The following TENM4 variants were observed in gnomAD, a reference collection of about 807,000 sequenced individuals.
TENM4 encodes the protein teneurin-4.
A neutral mutation model predicts 243.3 loss-of-function variants in TENM4; 82 were observed. The observed-to-expected ratio is 0.34, with a 90% confidence interval of 0.28 to 0.40. The LOEUF (loss-of-function observed/expected upper bound fraction) is 0.40, where lower values mean the gene tolerates loss of function less well. Among genes scored for constraint, TENM4 ranks in the 10% least tolerant of loss-of-function variants. TENM4 has a pLI of 1.00. For synonymous variants in TENM4, 1,412 were observed against 1,456.3 expected (o/e 0.97, Z 0.69); for missense variants, 3,138 against 3,673.3 (o/e 0.85, Z 3.77).
intron 2 of TENM4, among the ~76,000 whole-genome samples, chr11:79,233,924 C>T (rs1166089967): frequency 2.6e-5 from 4 of 152,198 alleles, no homozygotes; most frequent in African/African-American, 4.8e-5. Flanking sequence ...CCTGAACTCA[C>T]CTCCCACATG....
At chr11:79,070,238 AG>A (rs934277886) in intron 4 of TENM4, among the ~76,000 whole-genome samples, 3 of 152,148 alleles carry the variant, frequency 2.0e-5, no homozygotes, top group Non-Finnish European at 4.4e-5. Context: ...CACCTTGAGG[AG>A]GCCTCCTCCA....
At chr11:79,060,794 C>T (rs1197253007) in intron 6 of TENM4, among the ~76,000 whole-genome samples, 1 of 152,170 alleles carries the variant, frequency 6.6e-6, no homozygotes, top group African/African-American at 2.4e-5. Context: ...AGATTAAAGG[C>T]AATTGCACAT....
chr11:79,002,529 G>C (rs1858357739), intron 6 of TENM4, among the ~76,000 whole-genome samples: 1 of 152,182 alleles, frequency 6.6e-6, no homozygotes, highest in Admixed American at 6.5e-5. Context: ...CAGCCCAAAA[G>C]TGCCAAGCTG....
intron 4 of TENM4, among the ~76,000 whole-genome samples, chr11:79,129,881 A>G (rs189817472): frequency 7.9e-5 from 12 of 152,212 alleles, no homozygotes; most frequent in African/African-American, 1.4e-4. Flanking sequence ...TCATACTACC[A>G]CAGCTGAGGC....
rs565615717 is a variant in TENM4, at chr11:79,138,204, A to G, written c.-66+10506T>C. Among the ~76,000 whole-genome samples, 11 of 149,030 alleles carry G rather than the reference A, an allele frequency of 7.4e-5. No individual in the cohort carries two copies. The South Asian group carries it at 1.9e-3, about 26-fold the overall frequency. ...TCCTGCCCTCAAATATCGGACTCCAAATTCTTCAGTTTTGGAACTTGGACT... is the reference window on the plus strand; with the variant it reads ...TCCTGCCCTCAAATATCGGACTCCAGATTCTTCAGTTTTGGAACTTGGACT... On this transcript the variant is annotated intron_variant, in intron 4 of 33. Coordinates refer to ENST00000278550, the MANE Select transcript of TENM4 (RefSeq NM_001098816.3).
intron 6 of TENM4, among the ~76,000 whole-genome samples, chr11:79,023,276 T>A (rs1018735774): frequency 3.3e-5 from 5 of 152,138 alleles, no homozygotes; most frequent in Non-Finnish European, 7.3e-5. Context: ...TCAAGGTTTA[T>A]CAGCCTGGCG....
rs1166033880 is a variant in TENM4, at chr11:79,069,956, C to T, written c.-12G>A. On this transcript the variant is annotated 5_prime_UTR_variant, in exon 5 of 34. Coordinates refer to ENST00000278550, the MANE Select transcript of TENM4 (RefSeq NM_001098816.3). The stretch of plus-strand genomic sequence containing the variant: ...TCCTTCACGTCCATGGCCTCCGGCC[C>T]GCGCTCCTCCACATCCACAAACAGG... The T allele has an allele frequency of 4.5e-6, 7 of 1,543,238 alleles. No individual in the cohort carries two copies. Among genetic ancestry groups the T allele is most frequent in the African/African-American group, 2.7e-5 (2 of 72,890 alleles).
At chr11:79,414,379 C>T (rs769387747) in intron 1 of TENM4, among the ~76,000 whole-genome samples, 18 of 152,188 alleles carry the variant, frequency 1.2e-4, no homozygotes, top group Admixed American at 1.2e-3. Context: ...TCTCACTTTC[C>T]ACACTGTGAC....
At chr11:78,688,599 C>T (rs1858742470) in intron 28 of TENM4, among the ~76,000 whole-genome samples, 1 of 152,080 alleles carries the variant, frequency 6.6e-6, no homozygotes, top group Non-Finnish European at 1.5e-5. Context: ...CTGGGAGACT[C>T]CCCAGAAATG....
At chr11:79,047,372 A>C (rs1859682781) in intron 6 of TENM4, among the ~76,000 whole-genome samples, 1 of 152,206 alleles carries the variant, frequency 6.6e-6, no homozygotes, top group South Asian at 2.1e-4. Flanking sequence ...TACAAAGCTA[A>C]TCAATAGTGG....
chr11:78,934,780 G>T (rs1856746316), intron 6 of TENM4, among the ~76,000 whole-genome samples: 1 of 152,184 alleles, frequency 6.6e-6, no homozygotes, highest in Non-Finnish European at 1.5e-5. Flanking sequence ...CCCAAGATCT[G>T]GAGATGATAT....
At chr11:79,103,146 G>T (rs1861276644) in intron 4 of TENM4, among the ~76,000 whole-genome samples, 1 of 152,010 alleles carries the variant, frequency 6.6e-6, no homozygotes, top group South Asian at 2.1e-4. Flanking sequence ...TGCCCTTTCT[G>T]CCTTGTCTGC....
intron 2 of TENM4, among the ~76,000 whole-genome samples, chr11:79,243,024 C>G (rs1211090039): frequency 6.6e-6 from 1 of 152,110 alleles, no homozygotes; most frequent in East Asian, 1.9e-4. Flanking sequence ...CCTCTAGTGC[C>G]CCTTGGGAGC....
intron 1 of TENM4, among the ~76,000 whole-genome samples, chr11:79,299,079 CACACACATACACACACACAT>C (rs1203616138): frequency 2.6e-5 from 4 of 151,814 alleles, no homozygotes; most frequent in Admixed American, 6.6e-5. Context: ...CACACACACA[CACACACATACACACACACAT>C]ACATACACAC....
chr11:78,987,100 C>T (rs914144707), intron 6 of TENM4, among the ~76,000 whole-genome samples: 1 of 152,174 alleles, frequency 6.6e-6, no homozygotes. Context: ...ATTGCTTCCT[C>T]CCCATCATAT....
At chr11:79,114,865 CAG>C (rs1390402912) in intron 4 of TENM4, among the ~76,000 whole-genome samples, 6 of 152,134 alleles carry the variant, frequency 3.9e-5, no homozygotes, top group Non-Finnish European at 8.8e-5. Flanking sequence ...GCCATATGTG[CAG>C]AGTCAGAGAG....
intron 2 of TENM4, among the ~76,000 whole-genome samples, chr11:79,219,152 A>G (rs1426912869): frequency 2.0e-5 from 3 of 152,202 alleles, no homozygotes; most frequent in African/African-American, 7.2e-5. Flanking sequence ...GGTAGGGGAC[A>G]TGGAGACAGG....
chr11:78,661,849 T>C (rs1385021413), intron 32 of TENM4, among the ~76,000 whole-genome samples: 2 of 152,158 alleles, frequency 1.3e-5, no homozygotes, highest in Non-Finnish European at 2.9e-5. Context: ...CTTCCTTTTC[T>C]ATTTTCACTT....
intron 1 of TENM4, among the ~76,000 whole-genome samples, chr11:79,384,186 T>C (rs1427745968): frequency 6.6e-6 from 1 of 152,182 alleles, no homozygotes; most frequent in Non-Finnish European, 1.5e-5. Flanking sequence ...AAACTGAACA[T>C]AGCAGAGGGC....
Sources: allele counts gnomAD v4.1 joint callset (sites outside exome capture counted in the v4.1 genomes callset), GRCh38; gene constraint gnomAD v4.1.1; transcripts MANE v1.5; gene names NCBI Gene and HGNC (gene_info 2026-07-23, HGNC 2026-07-21).